DCLK2: variants seen among roughly 807,000 people sequenced by gnomAD.
DCLK2 encodes serine/threonine-protein kinase DCLK2.
In DCLK2, 31 loss-of-function variants were observed where a neutral mutation model predicts 78.4. The ratio of observed to expected loss-of-function variants is 0.40; its 90% CI spans 0.30 to 0.53. The LOEUF is 0.53. Among genes scored for constraint, DCLK2 ranks in the 20% least tolerant of loss-of-function variants. DCLK2 has a pLI of 0.61. For missense variants in DCLK2, 872 were observed against 973.7 expected (o/e 0.90, Z 1.39); for synonymous variants, 407 against 374.9 (o/e 1.09, Z -0.99).
chr4:150,161,800 C>CCTAAAATT, intron 2 of DCLK2, among the ~76,000 whole-genome samples: 1 of 152,212 alleles, frequency 6.6e-6, no homozygotes, highest in South Asian at 2.1e-4. Flanking sequence ...GCTGAATTGT[C>CCTAAAATT]CAGGGAACTT....
chr4:150,166,153 A>T (rs921132840), intron 2 of DCLK2, among the ~76,000 whole-genome samples: 5 of 152,126 alleles, frequency 3.3e-5, no homozygotes, highest in Non-Finnish European at 5.9e-5. Flanking sequence ...TAATCATTTA[A>T]TGGAGGTAAT....
chr4:150,227,960 G>A (rs892449773), intron 8 of DCLK2, among the ~76,000 whole-genome samples: 2 of 152,190 alleles, frequency 1.3e-5, no homozygotes, highest in Non-Finnish European at 2.9e-5. Context: ...GAGGCTGAGA[G>A]TCCGAAATCC....
intron 7 of DCLK2, among the ~76,000 whole-genome samples, chr4:150,223,526 C>G (rs1741354391): frequency 6.6e-6 from 1 of 152,112 alleles, no homozygotes. Flanking sequence ...GGAGAATCAC[C>G]TGAGGTCAGG....
At chr4:150,175,438 G>A (rs556054528) in intron 2 of DCLK2, 1 of 151,944 alleles carries the variant, frequency 6.6e-6, no homozygotes, top group African/African-American at 2.4e-5. Context: ...CTGGGTGTTT[G>A]AGCCAGTCTT....
chr4:150,248,515 T>C (rs912376998), intron 14 of DCLK2, 130 bp downstream of exon 14: 9 of 750,594 alleles, frequency 1.2e-5, no homozygotes, highest in African/African-American at 6.9e-5. Flanking sequence ...GTCTGTCCCA[T>C]TGAGCAAGTA....
At chr4:150,210,572 G>C (rs771156793) in intron 5 of DCLK2, among the ~76,000 whole-genome samples, 4 of 152,052 alleles carry the variant, frequency 2.6e-5, no homozygotes, top group Non-Finnish European at 5.9e-5. Context: ...CTGGGAGGCG[G>C]AGGTTGCATT....
In DCLK2 at chr4:150,232,842, G is replaced by A. The variant is rs774381671; in HGVS notation, c.1566+14G>A. 2 of 1,605,264 alleles carry A rather than the reference G, an allele frequency of 1.2e-6. No individual in the cohort carries two copies. Among genetic ancestry groups the A allele is most frequent in the Admixed American group, 1.7e-5 (1 of 59,070 alleles). ...GAGAATCTCTTGGTATGTCATCCCT[G>A]CTTTTTCTGTTCCAATGAATGCCTC... On this transcript the variant is annotated intron_variant, in intron 10 of 15. Coordinates refer to ENST00000296550, the MANE Select transcript of DCLK2 (RefSeq NM_001040260.4).
rs570828291 is a variant in DCLK2, at chr4:150,209,228, G to C, written c.1056+5339G>C. ...GGTATTAGAACTTGGCTTTGCTTCT[G>C]TTTGGACTTAGGGAATCTGACTTTC... On this transcript the variant is annotated intron_variant, in intron 5 of 15. Transcript: ENST00000296550. Among the ~76,000 whole-genome samples the C allele has an allele frequency of 2.0e-5, 3 of 152,334 alleles. No individual in the cohort carries two copies. In the East Asian group the frequency reaches 5.8e-4, roughly 29 times the overall value.
At chr4:150,159,875 A>T (rs1243915669) in intron 2 of DCLK2, among the ~76,000 whole-genome samples, 2 of 152,158 alleles carry the variant, frequency 1.3e-5, no homozygotes, top group Non-Finnish European at 2.9e-5. Flanking sequence ...TGGGCACGTG[A>T]CTTAGGAATG....
chr4:150,187,778 C>T (rs775363980), intron 2 of DCLK2, among the ~76,000 whole-genome samples: 16 of 150,052 alleles, frequency 1.1e-4, no homozygotes, highest in African/African-American at 2.7e-4. Flanking sequence ...AGTATACCTG[C>T]GACATGTTTT....
intron 2 of DCLK2, among the ~76,000 whole-genome samples, chr4:150,174,981 G>A (rs1475492587): frequency 3.8e-5 from 4 of 104,204 alleles, no homozygotes; most frequent in African/African-American, 1.2e-4. Context: ...CTGGGTGATG[G>A]AGTGAGACTC....
intron 5 of DCLK2, among the ~76,000 whole-genome samples, chr4:150,210,985 C>A (rs969221957): frequency 6.6e-6 from 1 of 151,684 alleles, no homozygotes; most frequent in African/African-American, 2.4e-5. Context: ...AAAGGTTATC[C>A]CAAAATTTAG....
intron 5 of DCLK2, among the ~76,000 whole-genome samples, chr4:150,204,981 A>T (rs1291303288): frequency 6.6e-6 from 1 of 152,172 alleles, no homozygotes; most frequent in East Asian, 1.9e-4. Context: ...ACACAGTGTC[A>T]TGTATGTGTA....
chr4:150,198,917 C>G lies in DCLK2; in HGVS notation c.961+814C>G, dbSNP rs1739260231. ...GCCCTTTCCCCTTTCAGCACCCCCC[C>G]CCCCACTTTCTGTAGGGCAGGTCGT... is the stretch of plus-strand genomic sequence containing the variant. On this transcript the variant is annotated intron_variant, in intron 4 of 15. Coordinates refer to ENST00000296550, the MANE Select transcript of DCLK2 (RefSeq NM_001040260.4). 5.1e-6 allele frequency: 3 copies of G among 592,298 alleles called. 1 individual carries two copies. Among genetic ancestry groups the G allele is most frequent in the South Asian group, 2.3e-5 (1 of 43,708 alleles). 36.7% of individuals were successfully genotyped at this position (592,298 alleles called of 1,614,324 possible). A position where few individuals can be genotyped will look rare whatever the true frequency, so the allele number is the denominator to read the frequency against.
Position 150,116,712 on chromosome 4 carries a change from G to A in DCLK2, c.756+13900G>A, listed in dbSNP as rs77787185. ...GGTTATAAATAGCCTTAGTGTGTTG[G>A]CTTTCTCAAATGCCAGATTGTAGTA... On this transcript the variant is annotated intron_variant, in intron 2 of 15. Coordinates refer to ENST00000296550, the MANE Select transcript of DCLK2 (RefSeq NM_001040260.4). Among the ~76,000 whole-genome samples, 808 of 152,292 alleles carry A rather than the reference G, an allele frequency of 5.3e-3. 5 individuals are homozygous for A. The highest frequency in any genetic ancestry group is 0.018 in the African/African-American group (768 of 41,556).
chr4:150,230,084 G>A (rs975145689), intron 8 of DCLK2, among the ~76,000 whole-genome samples: 9 of 148,190 alleles, frequency 6.1e-5, no homozygotes, highest in Non-Finnish European at 1.0e-4. Flanking sequence ...GGTTGAGAAA[G>A]GCTAACAGCT....
chr4:150,163,294 G>T (rs1280352210), intron 2 of DCLK2, among the ~76,000 whole-genome samples: 1 of 151,972 alleles, frequency 6.6e-6, no homozygotes, highest in Non-Finnish European at 1.5e-5. Context: ...GCCACTTGGG[G>T]GGCTAAGGCA....
chr4:150,250,377 C>T (rs1743673998), intron 15 of DCLK2, among the ~76,000 whole-genome samples: 1 of 151,996 alleles, frequency 6.6e-6, no homozygotes, highest in South Asian at 2.1e-4. Flanking sequence ...AACATTGAAC[C>T]AGAGGTGAGG....
At chr4:150,149,924 CTT>C (rs1734772147) in intron 2 of DCLK2, among the ~76,000 whole-genome samples, 1 of 152,132 alleles carries the variant, frequency 6.6e-6, no homozygotes, top group South Asian at 2.1e-4. Context: ...GCAAATAAAA[CTT>C]TACATTTTAA....
Sources: allele counts gnomAD v4.1 joint callset (sites outside exome capture counted in the v4.1 genomes callset), GRCh38; gene constraint gnomAD v4.1.1; transcripts MANE v1.5; gene names NCBI Gene and HGNC (gene_info 2026-07-23, HGNC 2026-07-21).